GUK1: variants seen among roughly 807,000 people sequenced by gnomAD.
The protein encoded by GUK1 is guanylate kinase 1.
Under a neutral mutation model 25.2 loss-of-function variants are expected in GUK1, and 18 were observed. The observed-to-expected ratio is 0.71, with a 90% CI of 0.49 to 1.06. The LOEUF is 1.06. Ranked by LOEUF, GUK1 falls within the 50% of genes least tolerant of loss-of-function variation. The probability of loss-of-function intolerance (pLI) is 0.00; values close to 1 mark genes in which losing one functional copy is unlikely to be tolerated. For synonymous variants in GUK1, 105 were observed against 117.6 expected (o/e 0.89, Z 0.69); for missense variants, 261 against 276.7 (o/e 0.94, Z 0.40).
intron 4 of GUK1, 131 bp downstream of exon 3, chr1:228,146,198 C>A: frequency 1.5e-6 from 1 of 653,216 alleles, no homozygotes; most frequent in Non-Finnish European, 2.8e-6. Context: ...GGGTCCTTGC[C>A]TCCAAGGGCC....
intron 2 of GUK1, among the ~76,000 whole-genome samples, chr1:228,143,377 C>T (rs1046516125): frequency 6.6e-6 from 1 of 152,204 alleles, no homozygotes; most frequent in Non-Finnish European, 1.5e-5. Context: ...ATATCGGGTC[C>T]TTCGAAGCAC....
chr1:228,145,272 C>A, intron 2 of GUK1: 1 of 352,530 alleles, frequency 2.8e-6, no homozygotes, highest in Non-Finnish European at 5.2e-6. Context: ...GTAAAGCCGG[C>A]CTTCCATTCG....
Position 228,148,729 on chromosome 1 carries a change from C to G in GUK1, c.*32C>G, listed in dbSNP as rs373687915. On this transcript the variant is annotated 3_prime_UTR_variant, in exon 9 of 9. Coordinates refer to ENST00000312726, the MANE Select transcript of GUK1 (RefSeq NM_000858.7). ...CTGTCTGTTCTCGGCACCCCGGGCC[C>G]ATACAGGACCAGGGCAGCAGCATTG... 133 of 1,610,086 alleles carry G rather than the reference C, an allele frequency of 8.3e-5. 1 individual carries two copies. Among genetic ancestry groups the G allele is most frequent in the Middle Eastern group, 3.3e-4 (2 of 6,078 alleles).
chr1:228,144,717 C>T (rs2034271316), intron 2 of GUK1: 1 of 985,286 alleles, frequency 1.0e-6, no homozygotes, highest in South Asian at 4.7e-5. Flanking sequence ...CAGACCCACC[C>T]CAGGCTGACT....
chr1:228,141,101 C>T, intron 1 of GUK1: 2 of 982,464 alleles, frequency 2.0e-6, no homozygotes, highest in Non-Finnish European at 2.4e-6. Flanking sequence ...TGTCTTTGGG[C>T]TCATGGCCCC....
At position 228,148,889 on chromosome 1, in the gene GUK1, T is replaced by C; in HGVS notation, c.*192T>C. 1.4e-6 allele frequency: 2 copies of C among 1,408,098 alleles called. No individual in the cohort carries two copies. Among genetic ancestry groups the C allele is most frequent in the Non-Finnish European group, 1.9e-6 (2 of 1,029,746 alleles). 87.2% of individuals were successfully genotyped at this position (1,408,098 alleles called of 1,614,324 possible). A position where few individuals can be genotyped will look rare whatever the true frequency, so the allele number is the denominator to read the frequency against. ...GCCTCGCTGGGCTGTCCCCTGTCCC[T>C]ATCTCTCACTCTGGACCCAGGGCTG... On this transcript the variant is annotated 3_prime_UTR_variant, in exon 9 of 9. Transcript: ENST00000312726.
intron 4 of GUK1, 40 bp from the exon 4 acceptor site, chr1:228,146,802 G>A: frequency 1.4e-6 from 2 of 1,383,028 alleles, no homozygotes; most frequent in Non-Finnish European, 1.0e-6. Flanking sequence ...CCCTGGTGCA[G>A]GTCCAGTCTG....
Position 228,140,285 on chromosome 1 carries a change from C to T in GUK1, c.-246C>T. On this transcript the variant is annotated 5_prime_UTR_variant, in exon 1 of 9. Transcript: ENST00000312726. The stretch of plus-strand genomic sequence containing the variant: ...GGCGCTGTCACGTAGGTTCAGTGGG[C>T]GGAAGAGGTGGCCCCGGATGCTGCG... 5.9e-6 allele frequency: 9 copies of T among 1,529,416 alleles called. No homozygotes were observed. Among genetic ancestry groups the T allele is most frequent in the Non-Finnish European group, 7.9e-6 (9 of 1,143,436 alleles). 94.7% of individuals were successfully genotyped at this position (1,529,416 alleles called of 1,614,324 possible).
chr1:228,148,319 G>A (rs1185245111), intron 7 of GUK1, 52 bp from the exon 7 acceptor site: 2 of 1,277,340 alleles, frequency 1.6e-6, no homozygotes, highest in Non-Finnish European at 2.3e-6. Flanking sequence ...TGTGGGACCT[G>A]GGGTGGGGCT....
At position 228,140,358 on chromosome 1, in the gene GUK1, C is replaced by A; in HGVS notation, c.-173C>A. On this transcript the variant is annotated 5_prime_UTR_variant, in exon 1 of 9. Transcript: ENST00000312726. Reference sequence around the variant, plus strand: ...GCGGCCGCCCTGGGCCGGGCCCCACCGGACGGTGAGTACGACAAGCGCGAT... The same window carrying A: ...GCGGCCGCCCTGGGCCGGGCCCCACAGGACGGTGAGTACGACAAGCGCGAT... 6.6e-6 allele frequency: 10 copies of A among 1,523,014 alleles called. No homozygotes were observed. The highest frequency in any genetic ancestry group is 8.7e-6 in the Non-Finnish European group (10 of 1,143,494). 94.3% of individuals were successfully genotyped at this position (1,523,014 alleles called of 1,614,324 possible). A position where few individuals can be genotyped will look rare whatever the true frequency, so the allele number is the denominator to read the frequency against.
chr1:228,145,391 G>A, intron 2 of GUK1, 120 bp from the exon 2 acceptor site: 3 of 1,038,808 alleles, frequency 2.9e-6, no homozygotes, highest in Non-Finnish European at 2.7e-6. Flanking sequence ...AGACTCTCAG[G>A]CCAATGTCTC....
chr1:228,141,862 C>G (rs1360946360), intron 2 of GUK1: 2 of 1,045,228 alleles, frequency 1.9e-6, no homozygotes, highest in Middle Eastern at 2.7e-4. Context: ...TGGCTTCTTG[C>G]CAGGCAGCTG....
At chr1:228,147,976 C>T (rs2034488517) in intron 7 of GUK1, 1 of 584,890 alleles carries the variant, frequency 1.7e-6, no homozygotes, top group Non-Finnish European at 3.0e-6. Flanking sequence ...CCCAGGGTCC[C>T]ATGAGATGTC....
chr1:228,143,614 A>G (rs2034189277), intron 2 of GUK1, among the ~76,000 whole-genome samples: 1 of 152,130 alleles, frequency 6.6e-6, no homozygotes, highest in Non-Finnish European at 1.5e-5. Context: ...CTAGTGCATT[A>G]TGGGAACCAG....
intron 1 of GUK1, among the ~76,000 whole-genome samples, chr1:228,140,680 G>A (rs1215160349): frequency 2.0e-5 from 3 of 152,250 alleles, no homozygotes; most frequent in Non-Finnish European, 4.4e-5. Context: ...CCGCCAAAGA[G>A]AGCAGCTGGG....
chr1:228,146,128 T>A, intron 4 of GUK1, 61 bp downstream of exon 3: 4 of 1,140,758 alleles, frequency 3.5e-6, no homozygotes, highest in Non-Finnish European at 5.3e-6. Context: ...TGCTGGGCCC[T>A]GCAGCTGTGT....
chr1:228,148,828 CT>C lies in GUK1; in HGVS notation c.*132del. On this transcript the variant is annotated 3_prime_UTR_variant, in exon 9 of 9. Coordinates refer to ENST00000312726, the MANE Select transcript of GUK1 (RefSeq NM_000858.7). ...ATGTGGAGTGGAGGAGATGCTGCCCCTGTGGTTGGAACATCCTGGGGTGACC... is the reference window on the plus strand; with the variant it reads ...ATGTGGAGTGGAGGAGATGCTGCCCCGTGGTTGGAACATCCTGGGGTGACC... The C allele has an allele frequency of 6.4e-7, 1 of 1,560,244 alleles. No individual in the cohort carries two copies. The highest frequency in any genetic ancestry group is 8.7e-7 in the Non-Finnish European group (1 of 1,151,696).
intron 7 of GUK1, 77 bp downstream of exon 6, chr1:228,147,776 G>T: frequency 7.7e-7 from 1 of 1,305,124 alleles, no homozygotes; most frequent in South Asian, 1.3e-5. Context: ...CAGGGACCCT[G>T]TGGGTCCCCA....
chr1:228,144,412 A>T (rs1571888884), intron 2 of GUK1: 2 of 152,354 alleles, frequency 1.3e-5, no homozygotes, highest in African/African-American at 4.8e-5. Context: ...ACACAGCTGC[A>T]GTGCACGGCC....
Sources: gnomAD v4.1 joint callset for allele counts (sites outside exome capture counted in the v4.1 genomes callset) on GRCh38, gnomAD v4.1.1 for gene constraint, MANE v1.5 for transcripts, NCBI Gene and HGNC (gene_info 2026-07-23, HGNC 2026-07-21) for gene names.